SORCS2: variants seen among roughly 807,000 people sequenced by gnomAD.
The protein encoded by SORCS2 is VPS10 domain-containing receptor SorCS2.
In SORCS2, 100 loss-of-function variants were observed where a neutral mutation model predicts 141.6. The observed-to-expected ratio is 0.71, with a 90% confidence interval of 0.60 to 0.83. SORCS2 has a LOEUF of 0.83. Ranked by LOEUF, SORCS2 falls within the 40% of genes least tolerant of loss-of-function variation. The pLI, the probability that SORCS2 is intolerant of heterozygous loss-of-function variation, is 0.00. For missense variants in SORCS2, 1,646 were observed against 1,560.2 expected (o/e 1.05, Z -0.93); for synonymous variants, 789 against 676.9 (o/e 1.17, Z -2.57).
intron 1 of SORCS2, among the ~76,000 whole-genome samples, chr4:7,229,405 T>C (rs1361168854): frequency 6.6e-6 from 1 of 152,172 alleles, no homozygotes; most frequent in Non-Finnish European, 1.5e-5. Context: ...GTCTAAGGAC[T>C]CCATCCTCTT....
At chr4:7,621,898 C>T (rs1294561049) in intron 3 of SORCS2, among the ~76,000 whole-genome samples, 1 of 152,204 alleles carries the variant, frequency 6.6e-6, no homozygotes, top group East Asian at 1.9e-4. Context: ...GCTGGTGCTG[C>T]TGCCCAGCTA....
intron 1 of SORCS2, among the ~76,000 whole-genome samples, chr4:7,211,430 C>T (rs2108884487): frequency 6.6e-6 from 1 of 152,248 alleles, no homozygotes; most frequent in African/African-American, 2.4e-5. Flanking sequence ...CACTCTGTTG[C>T]CCAGGCTGGA....
At position 7,519,827 on chromosome 4, in the gene SORCS2, CTGCCG is replaced by C. The variant is rs565748428; in HGVS notation, c.549-11699_549-11695del. On this transcript the variant is annotated intron_variant, in intron 2 of 26. Coordinates refer to ENST00000507866, the MANE Select transcript of SORCS2 (RefSeq NM_020777.3). Reference sequence around the variant, plus strand: ...TCCCAGAGGGCGCACATGGGGGCTTCTGCCGTGCTAGAGCAGCAGCTGCATTTCAG... The same window carrying C: ...TCCCAGAGGGCGCACATGGGGGCTTCTGCTAGAGCAGCAGCTGCATTTCAG... 2.8e-3 allele frequency among the ~76,000 whole-genome samples: 426 copies of C among 152,272 alleles called. 2 individuals are homozygous for C. Among genetic ancestry groups the C allele is most frequent in the African/African-American group, 9.6e-3 (401 of 41,588 alleles).
intron 1 of SORCS2, among the ~76,000 whole-genome samples, chr4:7,296,457 C>T (rs766640376): frequency 6.6e-6 from 1 of 152,186 alleles, no homozygotes; most frequent in East Asian, 1.9e-4. Flanking sequence ...AAATCACGGG[C>T]AGGGTGGCAG....
intron 2 of SORCS2, among the ~76,000 whole-genome samples, chr4:7,454,362 C>T: frequency 1.0e-5 from 1 of 96,118 alleles, no homozygotes; most frequent in Non-Finnish European, 2.1e-5. Flanking sequence ...GTGTTGGGGT[C>T]AGGAGCTGTG....
rs374391490 is a variant in SORCS2 at position 7,614,844 on chromosome 4, C to G, written c.649-23484C>G. ...CATCCATTCATCCATCCATCCATCT[C>G]TTATCCACTGTCCATCCATCCCTCT... On this transcript the variant is annotated intron_variant, in intron 3 of 26. Transcript: ENST00000507866. 8.2e-4 allele frequency among the ~76,000 whole-genome samples: 124 copies of G among 151,622 alleles called. 1 individual carries two copies. Among genetic ancestry groups the G allele is most frequent in the African/African-American group, 2.9e-3 (122 of 41,388 alleles).
At chr4:7,338,136 T>G (rs1720108755) in intron 1 of SORCS2, among the ~76,000 whole-genome samples, 1 of 141,538 alleles carries the variant, frequency 7.1e-6, no homozygotes, top group Admixed American at 6.9e-5. Context: ...GATGGATGGA[T>G]GTTGGTTGCA....
intron 1 of SORCS2, among the ~76,000 whole-genome samples, chr4:7,223,056 G>T (rs1728802890): frequency 6.6e-6 from 1 of 152,146 alleles, no homozygotes; most frequent in African/African-American, 2.4e-5. Context: ...CCCTGAATTT[G>T]CCAAGATTTG....
rs111899813 is a variant in SORCS2 at position 7,220,743 on chromosome 4, G to A, written c.480+27617G>A. On this transcript the variant is annotated intron_variant, in intron 1 of 26. Coordinates refer to ENST00000507866, the MANE Select transcript of SORCS2 (RefSeq NM_020777.3). ...GCTGTGGGGTGGCCTCTCCAGGTGCGTCCCAGGTGTGAAACATGCCACTTT... is the reference window on the plus strand; with the variant it reads ...GCTGTGGGGTGGCCTCTCCAGGTGCATCCCAGGTGTGAAACATGCCACTTT... Among the ~76,000 whole-genome samples, 672 of 152,208 alleles carry A rather than the reference G, an allele frequency of 4.4e-3. 5 individuals carry two copies. The highest frequency in any genetic ancestry group is 0.015 in the African/African-American group (630 of 41,520).
chr4:7,689,787 G>A (rs1430750723), intron 11 of SORCS2, among the ~76,000 whole-genome samples, 199 bp downstream of exon 11: 1 of 152,258 alleles, frequency 6.6e-6, no homozygotes, highest in South Asian at 2.1e-4. Flanking sequence ...TGGGCATATG[G>A]TATGTGTTGG....
intron 2 of SORCS2, among the ~76,000 whole-genome samples, chr4:7,471,690 C>A (rs915435681): frequency 3.9e-5 from 6 of 152,228 alleles, no homozygotes; most frequent in Admixed American, 1.3e-4. Flanking sequence ...AAGGCCTGTT[C>A]CGGGAGTAGG....
intron 12 of SORCS2, among the ~76,000 whole-genome samples, chr4:7,699,535 G>C (rs188611847): frequency 6.6e-6 from 1 of 152,098 alleles, no homozygotes; most frequent in Non-Finnish European, 1.5e-5. Context: ...GCTCTGGGAA[G>C]CCCACTCTCC....
At chr4:7,254,543 G>A (rs1713718647) in intron 1 of SORCS2, among the ~76,000 whole-genome samples, 1 of 152,146 alleles carries the variant, frequency 6.6e-6, no homozygotes, top group African/African-American at 2.4e-5. Context: ...ATGATGACAA[G>A]TTGGTCAATG....
intron 3 of SORCS2, among the ~76,000 whole-genome samples, chr4:7,545,032 A>G (rs530921425): frequency 6.6e-6 from 1 of 152,226 alleles, no homozygotes; most frequent in South Asian, 2.1e-4. Context: ...GCTTGTTGGT[A>G]TACAGAGCTT....
chr4:7,215,833 T>A (rs1259324303), intron 1 of SORCS2, among the ~76,000 whole-genome samples: 1 of 152,108 alleles, frequency 6.6e-6, no homozygotes, highest in Non-Finnish European at 1.5e-5. Context: ...AGAACCTTTG[T>A]ATCTAGCTCA....
intron 1 of SORCS2, among the ~76,000 whole-genome samples, chr4:7,200,987 G>A (rs551413255): frequency 1.3e-5 from 2 of 152,330 alleles, no homozygotes; most frequent in East Asian, 1.9e-4. Flanking sequence ...TGTGCCTAGC[G>A]CTGTTAGCTG....
chr4:7,646,363 A>C (rs942759862), intron 4 of SORCS2, among the ~76,000 whole-genome samples: 1 of 152,204 alleles, frequency 6.6e-6, no homozygotes, highest in African/African-American at 2.4e-5. Flanking sequence ...CCTATGTTGA[A>C]ATTCTAACCC....
chr4:7,576,187 CATG>C (rs1715739454), intron 3 of SORCS2, among the ~76,000 whole-genome samples: 1 of 152,192 alleles, frequency 6.6e-6, no homozygotes, highest in East Asian at 1.9e-4. Context: ...TGACCAAAGC[CATG>C]TGCTCAGCTG....
chr4:7,232,322 G>T (rs1306407973), intron 1 of SORCS2, among the ~76,000 whole-genome samples: 1 of 152,162 alleles, frequency 6.6e-6, no homozygotes, highest in Non-Finnish European at 1.5e-5. Context: ...GGCTGCTGAG[G>T]TCTGAGCCAG....
Sources: allele counts gnomAD v4.1 joint callset (sites outside exome capture counted in the v4.1 genomes callset), GRCh38; gene constraint gnomAD v4.1.1; transcripts MANE v1.5; gene names NCBI Gene and HGNC (gene_info 2026-07-23, HGNC 2026-07-21).